The following SYT10 variants were observed in gnomAD, a reference collection of about 807,000 sequenced individuals.
SYT10 encodes synaptotagmin 10, also known as synaptotagmin-10.
Under a neutral mutation model 51.1 loss-of-function variants are expected in SYT10, and 31 were observed. The observed-to-expected ratio is 0.61, with a 90% CI of 0.46 to 0.82. The LOEUF is 0.82. SYT10 is among the 40% of genes least tolerant of loss of function. SYT10 has a pLI of 0.00. For missense variants in SYT10, 603 were observed against 634.0 expected (o/e 0.95, Z 0.53); for synonymous variants, 233 against 225.9 (o/e 1.03, Z -0.28).
chr12:33,436,922 C>T (rs952552029), intron 1 of SYT10, among the ~76,000 whole-genome samples: 3 of 152,138 alleles, frequency 2.0e-5, no homozygotes, highest in South Asian at 2.1e-4. Flanking sequence ...TCTCATTAAA[C>T]GATGAGTAGA....
chr12:33,379,799 A>G, intron 6 of SYT10, 33 bp downstream of exon 6: 1 of 1,610,864 alleles, frequency 6.2e-7, no homozygotes, highest in Non-Finnish European at 8.5e-7. Context: ...AGAGACAACA[A>G]AAAGAGCAGA....
In SYT10 at chr12:33,425,179, C is replaced by A. The variant is rs529250739; in HGVS notation, c.509+959G>T. Among the ~76,000 whole-genome samples the A allele has an allele frequency of 6.4e-4, 98 of 152,094 alleles. 5 individuals carry two copies. In the South Asian group the frequency reaches 0.02, roughly 31 times the overall value. ...ATTACCATGTTGGAAAACATGGATG[C>A]GTCTTCGGTTTAGAGAGATAAAAAG... On this transcript the variant is annotated intron_variant, in intron 2 of 6. Transcript: ENST00000228567.
chr12:33,429,904 C>T (rs1007826561), intron 1 of SYT10, among the ~76,000 whole-genome samples: 15 of 152,012 alleles, frequency 9.9e-5, no homozygotes, highest in African/African-American at 3.4e-4. Flanking sequence ...CACTGGGAGG[C>T]CAGGGAGATG....
chr12:33,382,287 T>G, intron 5 of SYT10, 62 bp downstream of exon 5: 7 of 1,331,072 alleles, frequency 5.3e-6, no homozygotes, highest in Non-Finnish European at 5.8e-6. Context: ...CCTGAAAAGC[T>G]GAGTTTGGCC....
At chr12:33,418,359 T>C (rs1866473234) in intron 2 of SYT10, among the ~76,000 whole-genome samples, 1 of 152,182 alleles carries the variant, frequency 6.6e-6, no homozygotes. Context: ...ATCCTTTTTC[T>C]TCTTTTTCCC....
At chr12:33,429,777 T>C (rs377072299) in intron 1 of SYT10, among the ~76,000 whole-genome samples, 5 of 152,180 alleles carry the variant, frequency 3.3e-5, no homozygotes, top group African/African-American at 1.2e-4. Flanking sequence ...GATCGAAATA[T>C]TTGGATTTAC....
At chr12:33,424,828 A>C (rs1866536334) in intron 2 of SYT10, among the ~76,000 whole-genome samples, 1 of 152,048 alleles carries the variant, frequency 6.6e-6, no homozygotes, top group Admixed American at 6.6e-5. Flanking sequence ...AAGAAAATTT[A>C]AAATGAGCCT....
In SYT10 at chr12:33,376,672, TA is replaced by T; in HGVS notation, c.*157del. On this transcript the variant is annotated 3_prime_UTR_variant, in exon 7 of 7. Transcript: ENST00000228567. The stretch of plus-strand genomic sequence containing the variant: ...AGTAAAATGTATTGATGTTCAAAGT[TA>T]AAAAATCAACAATAAAAGCAAATAA... 2 of 792,862 alleles carry T rather than the reference TA, an allele frequency of 2.5e-6. No homozygotes were observed. Among genetic ancestry groups the T allele is most frequent in the Non-Finnish European group, 2.0e-6 (1 of 507,858 alleles). 49.1% of individuals were successfully genotyped at this position (792,862 alleles called of 1,614,324 possible).
chr12:33,425,612 A>G (rs1866543664), intron 2 of SYT10, among the ~76,000 whole-genome samples: 1 of 152,100 alleles, frequency 6.6e-6, no homozygotes, highest in Non-Finnish European at 1.5e-5. Flanking sequence ...ATGAGCTCAA[A>G]CACAAAATGA....
In SYT10 at chr12:33,418,265, G is replaced by C. The variant is rs550871328; in HGVS notation, c.509+7873C>G. ...TCTCCTCACTTGGCTTCCAGGTTCC[G>C]CCCTCCCAGCTTCCCTCCTACTTTA... On this transcript the variant is annotated intron_variant, in intron 2 of 6. Coordinates refer to ENST00000228567, the MANE Select transcript of SYT10 (RefSeq NM_198992.4). Among the ~76,000 whole-genome samples, 3 of 152,114 alleles carry C rather than the reference G, an allele frequency of 2.0e-5. No homozygotes were observed. The South Asian group carries it at 6.2e-4, about 32-fold the overall frequency.
chr12:33,378,814 C>G (rs1360592180), intron 6 of SYT10, among the ~76,000 whole-genome samples: 4 of 145,284 alleles, frequency 2.8e-5, no homozygotes, highest in Non-Finnish European at 6.1e-5. Flanking sequence ...GACTGGGTAT[C>G]TGTGTGTGTG....
chr12:33,388,328 G>A (rs1905419), intron 3 of SYT10, among the ~76,000 whole-genome samples: 61,245 of 151,478 alleles, frequency 0.4, 13,210 homozygotes, highest in East Asian at 0.88. Flanking sequence ...AGAGACATGT[G>A]CACTATCTTT....
Position 33,406,699 on chromosome 12 carries a change from C to A in SYT10, c.1077+90G>T, listed in dbSNP as rs1194765553. The A allele has an allele frequency of 1.8e-5, 20 of 1,126,238 alleles. No homozygotes were observed. The South Asian group carries it at 2.8e-4, about 16-fold the overall frequency. The allele number at this position is 1,126,238 out of a possible 1,614,324, so 69.8% of individuals were successfully genotyped here. The stretch of plus-strand genomic sequence containing the variant: ...CTTAGACATAAATTCCATAACTCTG[C>A]AAGGCTTATTCCGATAATTTGGGTA... On this transcript the variant is annotated intron_variant, in intron 3 of 6. Coordinates refer to ENST00000228567, the MANE Select transcript of SYT10 (RefSeq NM_198992.4).
intron 3 of SYT10, among the ~76,000 whole-genome samples, chr12:33,400,484 A>G (rs1189835985): frequency 2.6e-5 from 4 of 152,186 alleles, no homozygotes; most frequent in Admixed American, 6.5e-5. Context: ...AGAATATAAT[A>G]GATTCATTTT....
intron 3 of SYT10, among the ~76,000 whole-genome samples, chr12:33,406,059 A>T (rs1437800962): frequency 6.6e-6 from 1 of 152,058 alleles, no homozygotes. Context: ...AAATATGCAT[A>T]GCAAAAAGTT....
chr12:33,389,468 T>G (rs1293741005), intron 3 of SYT10, among the ~76,000 whole-genome samples: 2 of 152,076 alleles, frequency 1.3e-5, no homozygotes, highest in Non-Finnish European at 2.9e-5. Context: ...ATAATGATGT[T>G]AATGAAAATA....
intron 2 of SYT10, among the ~76,000 whole-genome samples, chr12:33,414,147 A>G (rs1241100324): frequency 6.6e-6 from 1 of 152,220 alleles, no homozygotes; most frequent in African/African-American, 2.4e-5. Flanking sequence ...TCCTAAATAT[A>G]TATGCACCCA....
At chr12:33,387,619 T>G (rs1417318187) in intron 3 of SYT10, among the ~76,000 whole-genome samples, 1 of 152,184 alleles carries the variant, frequency 6.6e-6, no homozygotes, top group Non-Finnish European at 1.5e-5. Context: ...CAACTGGATA[T>G]CCTTTGGGCT....
intron 6 of SYT10, among the ~76,000 whole-genome samples, chr12:33,377,972 A>G (rs1284592803): frequency 1.3e-5 from 2 of 152,102 alleles, no homozygotes; most frequent in Non-Finnish European, 2.9e-5. Flanking sequence ...TTGTTGTACC[A>G]ATGGACACAA....
Sources: gnomAD v4.1 joint callset for allele counts (sites outside exome capture counted in the v4.1 genomes callset) on GRCh38, gnomAD v4.1.1 for gene constraint, MANE v1.5 for transcripts, NCBI Gene and HGNC (gene_info 2026-07-23, HGNC 2026-07-21) for gene names.